The following NKTR variants were observed in gnomAD, a reference collection of about 807,000 sequenced individuals.
NKTR encodes natural killer cell triggering receptor.
A neutral mutation model predicts 156.3 loss-of-function variants in NKTR; 67 were observed. The observed-to-expected ratio is 0.43, with a 90% confidence interval of 0.35 to 0.53. The LOEUF (loss-of-function observed/expected upper bound fraction) is 0.53. NKTR is among the 20% of genes least tolerant of loss of function. The pLI is 0.01. For missense variants in NKTR, 1,604 were observed against 1,730.9 expected, an observed-to-expected ratio of 0.93 and a Z score of 1.30; for synonymous variants, 640 against 596.6, an observed-to-expected ratio of 1.07 and a Z score of -1.06.
chr3:42,640,205 T>G (rs1461377016), intron 13 of NKTR, among the ~76,000 whole-genome samples: 3 of 152,222 alleles, frequency 2.0e-5, no homozygotes, highest in Non-Finnish European at 4.4e-5. Context: ...AGATGGGGCA[T>G]AGGGATAAAA....
In NKTR at chr3:42,645,949, C is replaced by T; in HGVS notation, c.4363C>T (p.Pro1455Ser). The change falls in exon 17 of 17, where the codon CCC (proline) becomes TCC (serine). Residue 1455 changes from proline (P) to serine (S), a missense_variant. By Grantham distance (74) the Pro-to-Ser change is moderately conservative. Coordinates refer to ENST00000232978, the MANE Select transcript of NKTR (RefSeq NM_005385.4). ...CCGAAGTTACTCTCATCACCGGAGC[C>T]CCAGTGAGAGCAGCAGATACAGTTG... is the stretch of plus-strand genomic sequence containing the variant. ...SDRSYSHHRS[P>S]SESSRYS The T allele has an allele frequency of 6.2e-7, 1 of 1,613,114 alleles. No individual in the cohort carries two copies. Among genetic ancestry groups the T allele is most frequent in the Non-Finnish European group, 8.5e-7 (1 of 1,179,324 alleles).
chr3:42,639,648 G>A lies in NKTR; in HGVS notation c.3944G>A (p.Ser1315Asn). Reference protein sequence around the residue: ...RDDDSQSRSPSRSRSKSETKS... With the variant: ...RDDDSQSRSPNRSRSKSETKS... ...GATGATAGCCAGTCCAGGAGTCCAA[G>A]TAGATCTCGAAGTAAATCTGAAACC... Residue 1315 changes from serine to asparagine, a missense_variant, in exon 13 of 17, where the codon AGT becomes AAT. By Grantham distance (46) the Ser-to-Asn change is conservative (BLOSUM62 1). Transcript: ENST00000232978. The A allele has an allele frequency of 6.2e-7, 1 of 1,614,102 alleles. No individual in the cohort carries two copies. Among genetic ancestry groups the A allele is most frequent in the Non-Finnish European group, 8.5e-7 (1 of 1,179,952 alleles).
intron 6 of NKTR, among the ~76,000 whole-genome samples, chr3:42,625,252 G>A (rs1577501265): frequency 6.6e-6 from 1 of 152,182 alleles, no homozygotes; most frequent in Middle Eastern, 3.4e-3. Flanking sequence ...ATGAGTCTGC[G>A]CAGCCATAGA....
chr3:42,610,532 G>A (rs984907539), intron 2 of NKTR, among the ~76,000 whole-genome samples: 1 of 150,644 alleles, frequency 6.6e-6, no homozygotes, highest in Non-Finnish European at 1.5e-5. Context: ...AATTTATTTT[G>A]TTGTTTCTGT....
At chr3:42,629,464 ATT>A in intron 6 of NKTR, 1 of 959,298 alleles carries the variant, frequency 1.0e-6, no homozygotes, top group Non-Finnish European at 1.2e-6. Context: ...TATTTTTAGC[ATT>A]GTTACGAAGG....
At chr3:42,608,753 TG>T (rs1048135181) in intron 2 of NKTR, among the ~76,000 whole-genome samples, 1 of 152,162 alleles carries the variant, frequency 6.6e-6, no homozygotes, top group African/African-American at 2.4e-5. Context: ...TGAAGCTATC[TG>T]GGGGTCTGCC....
rs1433897008 is a variant in NKTR at position 42,643,351 on chromosome 3, G to A, written c.4155G>A (p.Arg1385=). The change falls in exon 15 of 17, where the codon AGG becomes AGA. Residue 1385 remains arginine, a synonymous_variant. Transcript: ENST00000232978. The stretch of plus-strand genomic sequence containing the variant: ...TGATTAATATTAGGACGTCCAGCAG[G>A]AGCAGATCCAGGAGCAGCTCATATG... The part of the protein sequence containing the change: ...RSYKSHRTSS[R]SRSRSSSYDP... 9 of 1,614,002 alleles carry A rather than the reference G, an allele frequency of 5.6e-6. No homozygotes were observed. The highest frequency in any genetic ancestry group is 1.3e-5 in the African/African-American group (1 of 74,928).
intron 16 of NKTR, among the ~76,000 whole-genome samples, chr3:42,644,312 T>G (rs923880756): frequency 6.6e-6 from 1 of 152,162 alleles, no homozygotes; most frequent in Admixed American, 6.5e-5. Flanking sequence ...GGCCACTTGC[T>G]TAAATAGAAC....
intron 3 of NKTR, among the ~76,000 whole-genome samples, chr3:42,618,143 G>A (rs2125780809): frequency 6.6e-6 from 1 of 152,062 alleles, no homozygotes; most frequent in Admixed American, 6.5e-5. Flanking sequence ...CTGAGGTCAG[G>A]AGTTCAAGAC....
chr3:42,609,762 C>T (rs771443807), intron 2 of NKTR, among the ~76,000 whole-genome samples: 1 of 152,134 alleles, frequency 6.6e-6, no homozygotes, highest in African/African-American at 2.4e-5. Flanking sequence ...AGATCCTATA[C>T]TCTTATGGTT....
chr3:42,633,653 C>T lies in NKTR; in HGVS notation c.847C>T (p.Arg283Cys), dbSNP rs752977375. The T allele has an allele frequency of 4.3e-5, 69 of 1,613,868 alleles. No individual in the cohort carries two copies. The highest frequency in any genetic ancestry group is 5.5e-5 in the Non-Finnish European group (65 of 1,179,958). Residue 283 changes from arginine (R) to cysteine (C), a missense_variant, in exon 10 of 17, where the codon CGC (arginine) becomes TGC (cysteine). Physicochemically the swap from Arg to Cys is radical, Grantham distance 180 (BLOSUM62 -3). Around this residue, in one of 6 missense-constraint regions of NKTR, gnomAD observed 1,255 missense variants for 1,243.7 expected, o/e 1.01. Coordinates refer to ENST00000232978, the MANE Select transcript of NKTR (RefSeq NM_005385.4). ...TGCTAAAAGGGAAAAACCTGTGGTC[C>T]GCCCAGAAGAGATTCCTCCAGTGCC... Reference protein sequence around the residue: ...SSAKREKPVVRPEEIPPVPEN... With the variant: ...SSAKREKPVVCPEEIPPVPEN...
At chr3:42,635,954 C>G (rs1160158563) in intron 12 of NKTR, among the ~76,000 whole-genome samples, 3 of 152,088 alleles carry the variant, frequency 2.0e-5, no homozygotes, top group African/African-American at 7.2e-5. Context: ...ATAGCAGATT[C>G]TTTCCTAGCC....
rs2125832377 is a variant in NKTR, at chr3:42,647,687, G to T, written c.*1712G>T. 1 of 152,086 alleles carries T rather than the reference G, an allele frequency of 6.6e-6. No homozygotes were observed. The highest frequency in any genetic ancestry group is 1.9e-4 in the East Asian group (1 of 5,188). 9.4% of individuals were successfully genotyped at this position (152,086 alleles called of 1,614,324 possible). On this transcript the variant is annotated 3_prime_UTR_variant, in exon 17 of 17. Coordinates refer to ENST00000232978, the MANE Select transcript of NKTR (RefSeq NM_005385.4). ...ATGATTTATATTAAAGGTTTCCAAAGGTTGCCTGCAAAGGAGAATATTACT... is the reference window on the plus strand; with the variant it reads ...ATGATTTATATTAAAGGTTTCCAAATGTTGCCTGCAAAGGAGAATATTACT...
intron 6 of NKTR, among the ~76,000 whole-genome samples, chr3:42,625,750 T>C (rs1708319021): frequency 6.6e-6 from 1 of 152,184 alleles, no homozygotes; most frequent in African/African-American, 2.4e-5. Flanking sequence ...TCAGATTTTT[T>C]CATGAGCAAA....
intron 16 of NKTR, 80 bp from the exon 17 acceptor site, chr3:42,645,808 C>T (rs1710313993): frequency 5.7e-6 from 5 of 873,636 alleles, no homozygotes; most frequent in Non-Finnish European, 7.1e-6. Flanking sequence ...TCAAGCCACT[C>T]ATATAAAAAA....
chr3:42,629,838 T>C, intron 6 of NKTR: 1 of 985,450 alleles, frequency 1.0e-6, no homozygotes. Flanking sequence ...AGTTGGTGAC[T>C]GTAGAAGAAG....
rs1322837022 is a variant in NKTR, at chr3:42,637,851, A to T, written c.2147A>T (p.His716Leu). 2 of 1,613,948 alleles carry T rather than the reference A, an allele frequency of 1.2e-6. No individual in the cohort carries two copies. Among genetic ancestry groups the T allele is most frequent in the South Asian group, 2.2e-5 (2 of 91,078 alleles). Residue 716 changes from histidine (H) to leucine (L), a missense_variant, in exon 13 of 17, where the codon CAT (histidine) becomes CTT (leucine). Physicochemically the swap from His to Leu is moderately conservative, Grantham distance 99. Transcript: ENST00000232978. ...YTRSRSLASS[H>L]SRSRSPSSRS... Reference sequence around the variant, plus strand: ...AGATCACGTAGTCTAGCTAGTTCACATTCAAGGTCTAGGTCTCCATCATCT... The same window carrying T: ...AGATCACGTAGTCTAGCTAGTTCACTTTCAAGGTCTAGGTCTCCATCATCT...
At chr3:42,640,923 T>C (rs1709834161) in intron 13 of NKTR, among the ~76,000 whole-genome samples, 1 of 152,256 alleles carries the variant, frequency 6.6e-6, no homozygotes, top group Admixed American at 6.5e-5. Flanking sequence ...TGTCTGCTTA[T>C]GATCTGCCTT....
intron 8 of NKTR, 58 bp downstream of exon 8, chr3:42,631,374 C>T: frequency 6.3e-7 from 1 of 1,582,686 alleles, no homozygotes; most frequent in Non-Finnish European, 8.6e-7. Context: ...TTGCTGAAGA[C>T]TGTAACTAGA....
Sources: gnomAD v4.1 joint callset for allele counts (sites outside exome capture counted in the v4.1 genomes callset) on GRCh38, gnomAD v4.1.1 for gene constraint, gnomAD v4.1.1 regional missense constraint, MANE v1.5 for transcripts, NCBI Gene and HGNC (gene_info 2026-07-23, HGNC 2026-07-21) for gene names.